NEK10: variants seen among roughly 807,000 people sequenced by gnomAD.
The protein encoded by NEK10 is serine/threonine-protein kinase Nek10.
Under a neutral mutation model 159.8 loss-of-function variants are expected in NEK10, and 122 were observed. The ratio of observed to expected loss-of-function variants is 0.76; its 90% CI spans 0.66 to 0.89. The LOEUF is 0.89. Among genes scored for constraint, NEK10 ranks in the 40% least tolerant of loss-of-function variants. The pLI, the probability that NEK10 is intolerant of heterozygous loss-of-function variation, is 0.00. For synonymous variants in NEK10, 466 were observed against 457.1 expected (o/e 1.02, Z -0.25); for missense variants, 1,342 against 1,323.1 (o/e 1.01, Z -0.22).
chr3:27,303,386 G>A (rs1440831059), intron 12 of NEK10, among the ~76,000 whole-genome samples: 2 of 151,892 alleles, frequency 1.3e-5, no homozygotes, highest in Admixed American at 6.6e-5. Flanking sequence ...TTCTCCAAGA[G>A]GGCAACCCAT....
intron 22 of NEK10, among the ~76,000 whole-genome samples, chr3:27,260,001 C>G (rs2040254372): frequency 6.6e-6 from 1 of 152,106 alleles, no homozygotes; most frequent in African/African-American, 2.4e-5. Flanking sequence ...CGAGTTCACT[C>G]ATGATTTGGC....
chr3:27,191,934 T>A, intron 26 of NEK10, 95 bp downstream of exon 26: 2 of 1,024,782 alleles, frequency 2.0e-6, no homozygotes, highest in Non-Finnish European at 3.0e-6. Context: ...TAACTATTTT[T>A]CTAACTTTTG....
chr3:27,249,554 T>G (rs748768709), intron 23 of NEK10, among the ~76,000 whole-genome samples: 1 of 152,196 alleles, frequency 6.6e-6, no homozygotes, highest in Non-Finnish European at 1.5e-5. Flanking sequence ...TGCTCTTTTT[T>G]GGCTTCCATT....
chr3:27,246,272 G>A (rs937512357), intron 23 of NEK10, among the ~76,000 whole-genome samples: 2 of 152,054 alleles, frequency 1.3e-5, no homozygotes, highest in Non-Finnish European at 2.9e-5. Context: ...TGTTATATAG[G>A]TAAACTGCAT....
chr3:27,203,744 A>C (rs1333078709), intron 23 of NEK10, among the ~76,000 whole-genome samples: 1 of 145,596 alleles, frequency 6.9e-6, no homozygotes, highest in East Asian at 1.9e-4. Context: ...ACAGGTATAC[A>C]TCAGTATTGA....
chr3:27,329,625 A>G (rs1306278980), intron 5 of NEK10, among the ~76,000 whole-genome samples: 1 of 152,240 alleles, frequency 6.6e-6, no homozygotes, highest in Admixed American at 6.5e-5. Flanking sequence ...CTTCATGCCT[A>G]TTGACAGCCA....
rs201821707 is a variant in NEK10, at chr3:27,346,152, G to A, written c.197C>T (p.Ala66Val). Residue 66 changes from alanine to valine, a missense_variant, in exon 4 of 36, where the codon GCG (alanine) becomes GTG (valine). Physicochemically the swap from Ala to Val is moderately conservative, Grantham distance 64. Coordinates refer to ENST00000691995, the MANE Select transcript of NEK10 (RefSeq NM_001394966.1). ...CTGACCCCGAGCTCTGTGTCCACCCGCCCTGATGGCGGGCTCAGACTTCGT... is the reference window on the plus strand; with the variant it reads ...CTGACCCCGAGCTCTGTGTCCACCCACCCTGATGGCGGGCTCAGACTTCGT... ...SMTKSEPAIRAGGHRARGQWH... is the reference protein window; with the variant it reads ...SMTKSEPAIRVGGHRARGQWH... 5.1e-4 allele frequency: 821 copies of A among 1,613,538 alleles called. No homozygotes were observed. Among genetic ancestry groups the A allele is most frequent in the Middle Eastern group, 9.9e-4 (6 of 6,060 alleles).
intron 30 of NEK10, among the ~76,000 whole-genome samples, chr3:27,142,090 T>C (rs1247728538): frequency 6.6e-6 from 1 of 152,204 alleles, no homozygotes; most frequent in Non-Finnish European, 1.5e-5. Flanking sequence ...TTTCAAACCT[T>C]TGATTATTAC....
chr3:27,263,060 G>A (rs62258173), intron 22 of NEK10, among the ~76,000 whole-genome samples: 35,365 of 152,202 alleles, frequency 0.23, 4,488 homozygotes, highest in Middle Eastern at 0.38. Context: ...CTGCAGGTCT[G>A]TTGGAGTTTG....
chr3:27,143,382 G>T, intron 30 of NEK10: 2 of 680,338 alleles, frequency 2.9e-6, no homozygotes, highest in African/African-American at 1.8e-5. Context: ...CTCACAACAT[G>T]GCAAAGAGTT....
At position 27,269,060 on chromosome 3, in the gene NEK10, T is replaced by A. The variant is rs1195673285; in HGVS notation, c.2015-12689A>T. ...GAGAACTAGAATTAGAATCGGAGCC[T>A]GAAGATGTGACTGAATCATTGCAAT... On this transcript the variant is annotated intron_variant, in intron 22 of 35. Coordinates refer to ENST00000691995, the MANE Select transcript of NEK10 (RefSeq NM_001394966.1). Among the ~76,000 whole-genome samples the A allele has an allele frequency of 3.3e-5, 5 of 152,208 alleles. No homozygotes were observed. The South Asian group carries it at 6.2e-4, about 19-fold the overall frequency.
chr3:27,173,065 T>C (rs758242038), intron 28 of NEK10, among the ~76,000 whole-genome samples: 3 of 152,230 alleles, frequency 2.0e-5, no homozygotes, highest in Non-Finnish European at 2.9e-5. Flanking sequence ...TGAGCAATTG[T>C]ACATACTGTA....
intron 5 of NEK10, among the ~76,000 whole-genome samples, chr3:27,326,374 A>G (rs1053779297): frequency 6.6e-6 from 1 of 152,188 alleles, no homozygotes; most frequent in Non-Finnish European, 1.5e-5. Context: ...GTTGAATGCT[A>G]ATTACTTTTC....
chr3:27,165,673 G>C (rs1946408734), intron 29 of NEK10, among the ~76,000 whole-genome samples: 1 of 152,180 alleles, frequency 6.6e-6, no homozygotes, highest in South Asian at 2.1e-4. Flanking sequence ...TTCAGACCTA[G>C]TGTGACCTCA....
At chr3:27,260,057 G>A (rs565079899) in intron 22 of NEK10, among the ~76,000 whole-genome samples, 7 of 152,132 alleles carry the variant, frequency 4.6e-5, no homozygotes, top group Non-Finnish European at 8.8e-5. Flanking sequence ...TGTGATTTTT[G>A]TACATTAATT....
At chr3:27,194,125 C>CTTTTTTTTTTTTTT (rs71091113) in intron 25 of NEK10, 3 of 128,182 alleles carry the variant, frequency 2.3e-5, no homozygotes, top group African/African-American at 9.5e-5. Flanking sequence ...CAGAGAAATT[C>CTTTTTTTTTTTTTT]TTTTTTTTTT....
chr3:27,264,977 G>A (rs1483306325), intron 22 of NEK10, among the ~76,000 whole-genome samples: 1 of 152,002 alleles, frequency 6.6e-6, no homozygotes, highest in Admixed American at 6.6e-5. Context: ...CACCAGATCA[G>A]TACATTAAAG....
chr3:27,256,979 G>A (rs139328950), intron 22 of NEK10, among the ~76,000 whole-genome samples: 523 of 144,800 alleles, frequency 3.6e-3, no homozygotes, highest in African/African-American at 0.012. Context: ...GCAGTGGTGC[G>A]ATCTCGGCTC....
intron 32 of NEK10, 26 bp downstream of exon 32, chr3:27,131,854 G>T (rs1425877467): frequency 1.5e-6 from 2 of 1,311,278 alleles, no homozygotes; most frequent in Non-Finnish European, 2.2e-6. Flanking sequence ...GTCAGCAAAA[G>T]AATTCCTATA....
Sources: gnomAD v4.1 joint callset for allele counts (sites outside exome capture counted in the v4.1 genomes callset) on GRCh38, gnomAD v4.1.1 for gene constraint, MANE v1.5 for transcripts, NCBI Gene and HGNC (gene_info 2026-07-23, HGNC 2026-07-21) for gene names.